The following RPS15A variants were observed in gnomAD, a reference collection of about 807,000 sequenced individuals.
RPS15A encodes ribosomal protein S15a, also known as small ribosomal subunit protein uS8.
For missense variants in RPS15A, 62 were observed against 163.4 expected, an observed-to-expected ratio of 0.38 and a Z score of 3.38; for synonymous variants, 55 against 58.5, an observed-to-expected ratio of 0.94 and a Z score of 0.27.
chr16:18,784,674 A>G, intron 4 of RPS15A, 64 bp downstream of exon 4: 1 of 1,269,088 alleles, frequency 7.9e-7, no homozygotes, highest in Non-Finnish European at 1.1e-6. Context: ...AAAACCCTTA[A>G]GTCAAACTGC....
Position 18,789,220 on chromosome 16 carries a change from T to G in RPS15A, c.-5-102A>C, listed in dbSNP as rs112362571. On this transcript the variant is annotated intron_variant, in intron 1 of 4. Coordinates refer to ENST00000322989, the MANE Select transcript of RPS15A (RefSeq NM_001019.5). ...GTATCCTTTCCTTTCTGGCCCCACCTTGGCGAAGTTTTCTCAAGTCTAAGC... is the reference window on the plus strand; with the variant it reads ...GTATCCTTTCCTTTCTGGCCCCACCGTGGCGAAGTTTTCTCAAGTCTAAGC... The G allele has an allele frequency of 4.0e-5, 48 of 1,214,382 alleles. No homozygotes were observed. In the African/African-American group the frequency reaches 6.7e-4, roughly 17 times the overall value. 75.2% of individuals were successfully genotyped at this position (1,214,382 alleles called of 1,614,324 possible).
At chr16:18,784,488 C>T (rs961521370) in intron 4 of RPS15A, 4 of 385,190 alleles carry the variant, frequency 1.0e-5, no homozygotes, top group South Asian at 3.8e-5. Context: ...TCAGGTGATC[C>T]GCCTGCCTCA....
chr16:18,784,623 G>T, intron 4 of RPS15A, 115 bp downstream of exon 4: 1 of 755,312 alleles, frequency 1.3e-6, no homozygotes, highest in South Asian at 1.7e-5. Context: ...GTTAAGAGTA[G>T]ACAAATTACC....
intron 4 of RPS15A, 157 bp from the exon 5 acceptor site, chr16:18,783,259 G>T (rs149682889): frequency 1.0e-5 from 6 of 577,346 alleles, no homozygotes; most frequent in African/African-American, 5.6e-5. Flanking sequence ...CTCATGTAGC[G>T]TATGAGCCAT....
intron 3 of RPS15A, chr16:18,786,434 A>G (rs1904051577): frequency 6.4e-6 from 1 of 155,228 alleles, no homozygotes; most frequent in Non-Finnish European, 1.5e-5. Context: ...CTAGCATACC[A>G]CAGAACAAGG....
At chr16:18,785,352 T>C (rs1174061050) in intron 3 of RPS15A, 1 of 152,126 alleles carries the variant, frequency 6.6e-6, no homozygotes, top group African/African-American at 2.4e-5. Flanking sequence ...GACAAATTTT[T>C]CCAAACAAAT....
Position 18,788,147 on chromosome 16 carries a change from A to C in RPS15A, c.134-5T>G. ...TTTCAAATTCGCCAATGTAACCTAC[A>C]AAAGATAACTGACTGGATTAAATAA... On this transcript the variant is annotated splice_region_variant and splice_polypyrimidine_tract_variant and intron_variant, in intron 2 of 4. Coordinates refer to ENST00000322989, the MANE Select transcript of RPS15A (RefSeq NM_001019.5). The C allele has an allele frequency of 1.3e-6, 2 of 1,583,252 alleles. No individual in the cohort carries two copies. Among genetic ancestry groups the C allele is most frequent in the Non-Finnish European group, 1.7e-6 (2 of 1,152,652 alleles).
At chr16:18,783,445 T>G (rs997845151) in intron 4 of RPS15A, 52 of 343,782 alleles carry the variant, frequency 1.5e-4, no homozygotes, top group African/African-American at 1.1e-3. Flanking sequence ...TCGTATAAAC[T>G]TGAGTTTGAA....
intron 3 of RPS15A, chr16:18,785,793 C>A (rs557803892): frequency 2.0e-5 from 3 of 152,184 alleles, no homozygotes; most frequent in Admixed American, 6.5e-5. Context: ...CAGTTTTATC[C>A]AAGCAAGCTA....
intron 3 of RPS15A, among the ~76,000 whole-genome samples, chr16:18,787,812 T>C (rs2029917120): frequency 6.6e-6 from 1 of 152,200 alleles, no homozygotes; most frequent in Non-Finnish European, 1.5e-5. Context: ...AGTACCAGCG[T>C]TGGTTTCACC....
rs557803892 is a variant in RPS15A, at chr16:18,785,793, C to G, written c.214-970G>C. ...GGAATATGGGAAAACCAGTTTTATCCAAGCAAGCTATAGTGAAAGATCTTT... is the reference window on the plus strand; with the variant it reads ...GGAATATGGGAAAACCAGTTTTATCGAAGCAAGCTATAGTGAAAGATCTTT... On this transcript the variant is annotated intron_variant, in intron 3 of 4. Transcript: ENST00000322989. 71 of 152,302 alleles carry G rather than the reference C, an allele frequency of 4.7e-4. 1 individual carries two copies. Among genetic ancestry groups the G allele is most frequent in the Middle Eastern group, 6.8e-3 (2 of 294 alleles). The allele number at this position is 152,302 out of a possible 1,614,324, so 9.4% of individuals were successfully genotyped here.
chr16:18,783,298 A>G (rs1903993912), intron 4 of RPS15A, 196 bp from the exon 5 acceptor site: 2 of 544,656 alleles, frequency 3.7e-6, no homozygotes, highest in Admixed American at 6.9e-5. Flanking sequence ...AGCCAAATCC[A>G]GAGAGCCCAG....
chr16:18,788,018 A>T (rs2029924475), intron 3 of RPS15A, 45 bp downstream of exon 3: 3 of 1,220,462 alleles, frequency 2.5e-6, no homozygotes, highest in Non-Finnish European at 3.6e-6. Context: ...ACGCCACAGT[A>T]AAAAATTCTT....
At chr16:18,784,916 C>T in intron 3 of RPS15A, 93 bp from the exon 4 acceptor site, 1 of 1,020,872 alleles carries the variant, frequency 9.8e-7, no homozygotes, top group Non-Finnish European at 1.5e-6. Flanking sequence ...ATAAACAGTC[C>T]TCCAAACCAA....
At chr16:18,786,941 T>C (rs1322843520) in intron 3 of RPS15A, 3 of 152,268 alleles carry the variant, frequency 2.0e-5, no homozygotes, top group African/African-American at 7.2e-5. Flanking sequence ...CTCAGCTCAC[T>C]GTAACCTCCG....
At chr16:18,790,187 G>A (rs1030134528) in intron 1 of RPS15A, 57 bp downstream of exon 1, 1 of 152,452 alleles carries the variant, frequency 6.6e-6, no homozygotes. Flanking sequence ...AACCGGCAAG[G>A]CCAGGATCCT....
At chr16:18,783,817 A>G in intron 4 of RPS15A, 1 of 418,366 alleles carries the variant, frequency 2.4e-6, no homozygotes, top group Non-Finnish European at 4.8e-6. Flanking sequence ...TTACGGATGA[A>G]GAAATCAAGG....
intron 3 of RPS15A, among the ~76,000 whole-genome samples, chr16:18,787,402 T>A (rs1319662687): frequency 6.6e-6 from 1 of 152,072 alleles, no homozygotes; most frequent in Non-Finnish European, 1.5e-5. Context: ...TACAACAAAA[T>A]AAGGCAGGTT....
At chr16:18,784,250 T>C (rs1220597037) in intron 4 of RPS15A, 1 of 151,580 alleles carries the variant, frequency 6.6e-6, no homozygotes, top group Non-Finnish European at 1.5e-5. Context: ...TGAAACCCTG[T>C]CTCTCTCTCT....
Sources: gnomAD v4.1 joint callset for allele counts (sites outside exome capture counted in the v4.1 genomes callset) on GRCh38, gnomAD v4.1.1 for gene constraint, MANE v1.5 for transcripts, NCBI Gene and HGNC (gene_info 2026-07-23, HGNC 2026-07-21) for gene names.